Variants in ZDHHC11 observed in about 807,000 individuals in gnomAD.
ZDHHC11 encodes zDHHC palmitoyltransferase 11, also known as palmitoyltransferase ZDHHC11.
ZDHHC11 carries 44 observed loss-of-function variants against 51.3 expected under a neutral mutation model. The observed-to-expected ratio is 0.86, with a 90% CI of 0.67 to 1.10. The LOEUF (loss-of-function observed/expected upper bound fraction) is 1.10. ZDHHC11 is among the 50% of genes least tolerant of loss of function. The probability of loss-of-function intolerance (pLI) is 0.00; values close to 1 mark genes in which losing one functional copy is unlikely to be tolerated. For synonymous variants in ZDHHC11, 163 were observed against 222.0 expected (o/e 0.73, Z 2.36); for missense variants, 400 against 537.7 (o/e 0.74, Z 2.53).
chr5:835,853 G>C (rs1160460009), intron 6 of ZDHHC11, among the ~76,000 whole-genome samples: 1 of 151,798 alleles, frequency 6.6e-6, no homozygotes, highest in Non-Finnish European at 1.5e-5. Flanking sequence ...ACTATGAAAG[G>C]AAGTTTTAAA....
At chr5:841,590 C>T in intron 4 of ZDHHC11, 1 of 998,508 alleles carries the variant, frequency 1.0e-6, no homozygotes, top group Non-Finnish European at 1.2e-6. Flanking sequence ...GCCCCAGCAC[C>T]CATCCCTTGC....
upstream of ZDHHC11, among the ~76,000 whole-genome samples, chr5:854,554 A>G (rs1212109790): frequency 2.1e-5 from 3 of 145,620 alleles, no homozygotes; most frequent in South Asian, 6.8e-4. Context: ...GACAGATCCC[A>G]CAGAGAACAG....
At chr5:797,012 C>A (rs1320233044) in intron 12 of ZDHHC11, among the ~76,000 whole-genome samples, 2 of 151,416 alleles carry the variant, frequency 1.3e-5, no homozygotes, top group Non-Finnish European at 3.0e-5. Flanking sequence ...TCGAGACCTT[C>A]CTGGCTAATA....
intron 5 of ZDHHC11, chr5:839,500 A>T (rs1371763739): frequency 1.3e-5 from 2 of 149,172 alleles, no homozygotes; most frequent in East Asian, 1.9e-4. Flanking sequence ...TCATTAAAAA[A>T]AATTCAACCC....
chr5:859,158 C>T (rs1168243353), upstream of ZDHHC11, among the ~76,000 whole-genome samples: 1 of 152,046 alleles, frequency 6.6e-6, no homozygotes, highest in Non-Finnish European at 1.5e-5. Context: ...GTGGCTTGAT[C>T]CGGTTTAGGT....
intron 11 of ZDHHC11, among the ~76,000 whole-genome samples, chr5:808,520 C>A (rs1341273637): frequency 6.7e-6 from 1 of 149,026 alleles, no homozygotes; most frequent in East Asian, 2.0e-4. Context: ...AACACACTTA[C>A]GTGTTCCATC....
chr5:846,436 G>GGGA (rs1261517455), intron 3 of ZDHHC11, among the ~76,000 whole-genome samples: 2 of 151,020 alleles, frequency 1.3e-5, no homozygotes, highest in Admixed American at 6.6e-5. Flanking sequence ...AGAGTCCCTG[G>GGGA]ATCCTCCACT....
rs1327072870 is a variant in ZDHHC11 at position 836,290 on chromosome 5, CTA to C, written c.900+1073_900+1074del. Among the ~76,000 whole-genome samples the C allele has an allele frequency of 2.9e-4, 43 of 150,432 alleles. 3 individuals carry two copies. Among genetic ancestry groups the C allele is most frequent in the African/African-American group, 1.1e-3 (43 of 40,820 alleles). ...GGCATGATTGCGTGGTTACCGTTCT[CTA>C]TTGGACTAACGTGCTGAGCTGTAGT... is the stretch of plus-strand genomic sequence containing the variant. On this transcript the variant is annotated intron_variant, in intron 6 of 12. Transcript: ENST00000283441.
At chr5:840,459 C>G (rs773162861) in intron 5 of ZDHHC11, 36 bp downstream of exon 5, 1 of 1,612,888 alleles carries the variant, frequency 6.2e-7, no homozygotes, top group Non-Finnish European at 8.5e-7. Context: ...ACCACCCAGC[C>G]TTGGGGGGAT....
Position 833,959 on chromosome 5 carries a change from C to T in ZDHHC11, c.901-152G>A, listed in dbSNP as rs1415384262. The T allele has an allele frequency of 7.1e-4, 431 of 605,018 alleles. 9 individuals carry two copies. The highest frequency in any genetic ancestry group is 3.6e-5 in the Non-Finnish European group (12 of 329,576). The allele number at this position is 605,018 out of a possible 1,614,324, so 37.5% of individuals were successfully genotyped here. On this transcript the variant is annotated intron_variant, in intron 6 of 12. Transcript: ENST00000283441. Reference sequence around the variant, plus strand: ...TGAGTTCAGATCTCAGAACCACTTACGTGTGCACGTGTTTTCATTTCTCTC... The same window carrying T: ...TGAGTTCAGATCTCAGAACCACTTATGTGTGCACGTGTTTTCATTTCTCTC...
chr5:797,031 C>T (rs1447812907), intron 12 of ZDHHC11, among the ~76,000 whole-genome samples: 1 of 151,204 alleles, frequency 6.6e-6, no homozygotes, highest in African/African-American at 2.4e-5. Flanking sequence ...TACAGTGAAC[C>T]CCCGTCTCTA....
chr5:838,062 A>C (rs1390161613), intron 5 of ZDHHC11, among the ~76,000 whole-genome samples: 2 of 151,794 alleles, frequency 1.3e-5, no homozygotes, highest in Non-Finnish European at 2.9e-5. Context: ...GCGTGCTGAG[A>C]GCCCCAGGCC....
chr5:803,919 G>C (rs1209021967), intron 11 of ZDHHC11, among the ~76,000 whole-genome samples: 1 of 149,428 alleles, frequency 6.7e-6, no homozygotes, highest in African/African-American at 2.5e-5. Context: ...GATCAGCTAA[G>C]TTGAAGACAA....
rs1481262248 is a variant in ZDHHC11 at position 827,126 on chromosome 5, C to G, written c.936-1875G>C. ...GCCAATAATTTTGTATTCAGCAAAA[C>G]TATGTTTCCTAAATGAAGTAGAGAA... On this transcript the variant is annotated intron_variant, in intron 7 of 12. Transcript: ENST00000283441. 2.0e-5 allele frequency among the ~76,000 whole-genome samples: 3 copies of G among 149,422 alleles called. 1 individual carries two copies.
chr5:858,554 C>T (rs370025793), intron 1 of ZDHHC11, among the ~76,000 whole-genome samples: 2 of 152,306 alleles, frequency 1.3e-5, no homozygotes, highest in East Asian at 1.9e-4. Context: ...CGTCCCTGCC[C>T]TTATGACACT....
At chr5:799,063 C>T (rs1405595050) in intron 12 of ZDHHC11, among the ~76,000 whole-genome samples, 8 of 151,794 alleles carry the variant, frequency 5.3e-5, no homozygotes, top group Admixed American at 4.6e-4. Context: ...ACATCTGACC[C>T]TTCCAAACCT....
Position 801,129 on chromosome 5 carries a change from T to G in ZDHHC11, c.1217A>C (p.Asp406Ala). Residue 406 changes from aspartate to alanine, a missense_variant, in exon 12 of 13, where the codon GAC becomes GCC. Physicochemically the swap from Asp to Ala is moderately radical, Grantham distance 126. This residue lies in a region of ZDHHC11 where 231 missense variants were observed against 227.4 expected (regional missense o/e 1.02). Coordinates refer to ENST00000283441, the MANE Select transcript of ZDHHC11 (RefSeq NM_024786.3). The stretch of plus-strand genomic sequence containing the variant: ...ATCTCAGTCTTCACTTTCAGCACTG[T>G]CAGTTTTCATGGGCTCTGTTGTTTC... ...QQETTEPMKT[D>A]SAESED 6.2e-7 allele frequency: 1 copy of G among 1,610,550 alleles called. No homozygotes were observed. The highest frequency in any genetic ancestry group is 8.5e-7 in the Non-Finnish European group (1 of 1,177,342).
intron 2 of ZDHHC11, 29 bp from the exon 3 acceptor site, chr5:847,644 C>A (rs1301071858): frequency 2.5e-6 from 3 of 1,201,632 alleles, no homozygotes. Context: ...GAACGCCTGT[C>A]AGGCCCCAAG....
intron 9 of ZDHHC11, among the ~76,000 whole-genome samples, chr5:819,948 G>T (rs978704871): frequency 3.3e-5 from 5 of 151,336 alleles, no homozygotes; most frequent in Non-Finnish European, 5.9e-5. Context: ...GGGCTACAAG[G>T]TGACTGTAAT....
Sources: gnomAD v4.1 joint callset for allele counts (sites outside exome capture counted in the v4.1 genomes callset) on GRCh38, gnomAD v4.1.1 for gene constraint, gnomAD v4.1.1 regional missense constraint, MANE v1.5 for transcripts, NCBI Gene and HGNC (gene_info 2026-07-23, HGNC 2026-07-21) for gene names.